PADI4: variants seen among roughly 807,000 people sequenced by gnomAD.
PADI4 encodes the protein peptidyl arginine deiminase 4.
Under a neutral mutation model 75.0 loss-of-function variants are expected in PADI4, and 62 were observed. The observed-to-expected ratio is 0.83, with a 90% CI of 0.67 to 1.02. The LOEUF (loss-of-function observed/expected upper bound fraction) is 1.02. Ranked by LOEUF, PADI4 falls within the 50% of genes least tolerant of loss-of-function variation. The pLI is 0.00. For synonymous variants in PADI4, 361 were observed against 348.1 expected (o/e 1.04, Z -0.41); for missense variants, 845 against 850.5 (o/e 0.99, Z 0.08).
rs548762076 is a variant in PADI4, at chr1:17,322,246, G to T, written c.93-8723G>T. Among the ~76,000 whole-genome samples the T allele has an allele frequency of 5.0e-3, 769 of 152,282 alleles. 7 individuals carry two copies. The highest frequency in any genetic ancestry group is 0.017 in the African/African-American group (712 of 41,544). On this transcript the variant is annotated intron_variant, in intron 1 of 15. Transcript: ENST00000375448. Reference sequence around the variant, plus strand: ...CTCATGCCTGTAATCCCAACACTTTGGGAGGCCAAGGCGGGTGGATCACCT... The same window carrying T: ...CTCATGCCTGTAATCCCAACACTTTTGGAGGCCAAGGCGGGTGGATCACCT...
At chr1:17,328,481 A>G (rs188576632) in intron 1 of PADI4, among the ~76,000 whole-genome samples, 124 of 152,158 alleles carry the variant, frequency 8.1e-4, no homozygotes, top group Non-Finnish European at 1.4e-3. Flanking sequence ...CTCTGTCTCT[A>G]CAAAAAATTT....
intron 8 of PADI4, among the ~76,000 whole-genome samples, chr1:17,344,165 G>A (rs899716977): frequency 6.6e-6 from 1 of 152,214 alleles, no homozygotes; most frequent in African/African-American, 2.4e-5. Flanking sequence ...CTCTTGTTAT[G>A]TTTTAGCAAA....
intron 5 of PADI4, 96 bp from the exon 6 acceptor site, chr1:17,339,592 G>A: frequency 7.6e-7 from 1 of 1,317,286 alleles, no homozygotes; most frequent in Non-Finnish European, 1.1e-6. Context: ...CAGGGGAGCG[G>A]TGGGGTGTGA....
At chr1:17,312,039 C>T (rs544299285) in intron 1 of PADI4, among the ~76,000 whole-genome samples, 1 of 152,268 alleles carries the variant, frequency 6.6e-6, no homozygotes, top group East Asian at 1.9e-4. Context: ...AAGTGAGTGT[C>T]AATCATTTTC....
At chr1:17,335,528 G>A (rs1472219871) in intron 3 of PADI4, among the ~76,000 whole-genome samples, 1 of 152,210 alleles carries the variant, frequency 6.6e-6, no homozygotes, top group East Asian at 1.9e-4. Context: ...TGGGACAAGG[G>A]TCACCATATC....
intron 1 of PADI4, among the ~76,000 whole-genome samples, chr1:17,314,051 A>G (rs918463834): frequency 2.6e-5 from 4 of 152,112 alleles, no homozygotes; most frequent in Non-Finnish European, 5.9e-5. Context: ...CATCTAGCAG[A>G]GAGAGTGGCT....
chr1:17,344,455 G>A (rs1174410655), intron 8 of PADI4, among the ~76,000 whole-genome samples: 2 of 152,242 alleles, frequency 1.3e-5, no homozygotes, highest in Non-Finnish European at 2.9e-5. Context: ...TTAATGTTAA[G>A]CCACAAGGCA....
intron 1 of PADI4, among the ~76,000 whole-genome samples, chr1:17,329,668 C>T (rs60336844): frequency 0.017 from 2,584 of 152,132 alleles, 64 homozygotes; most frequent in African/African-American, 0.058. Flanking sequence ...AGTGGACTCA[C>T]GCAGTTCAAA....
intron 2 of PADI4, among the ~76,000 whole-genome samples, chr1:17,333,190 A>C (rs905950130): frequency 3.3e-5 from 5 of 152,084 alleles, no homozygotes; most frequent in African/African-American, 1.2e-4. Flanking sequence ...AGGCAGGGAG[A>C]CCAGACAGAA....
intron 1 of PADI4, among the ~76,000 whole-genome samples, chr1:17,313,497 TC>T (rs2073876545): frequency 2.8e-4 from 1 of 3,588 alleles, no homozygotes; most frequent in Admixed American, 3.2e-3. Flanking sequence ...CAAGACCTTG[TC>T]AAAAAAAAAA....
chr1:17,348,130 G>C (rs764990116), intron 10 of PADI4, 82 bp downstream of exon 10: 3 of 854,800 alleles, frequency 3.5e-6, no homozygotes, highest in Admixed American at 1.9e-5. Flanking sequence ...TGCCTTCCCC[G>C]CCCGCGCCTG....
chr1:17,328,659 AT>A (rs1241652619), intron 1 of PADI4, among the ~76,000 whole-genome samples: 13 of 31,012 alleles, frequency 4.2e-4, no homozygotes, highest in Non-Finnish European at 1.0e-3. Flanking sequence ...AAAAAAAAAA[AT>A]AAGTTTAACT....
intron 6 of PADI4, among the ~76,000 whole-genome samples, chr1:17,341,421 A>C (rs1348683120): frequency 6.6e-6 from 1 of 152,034 alleles, no homozygotes; most frequent in African/African-American, 2.4e-5. Context: ...AAAGTGATTA[A>C]ACTGACACTG....
intron 1 of PADI4, among the ~76,000 whole-genome samples, chr1:17,324,109 T>C (rs922174408): frequency 8.6e-5 from 13 of 151,790 alleles, no homozygotes; most frequent in Admixed American, 2.6e-4. Flanking sequence ...AGAAGTCAAA[T>C]TGCTGGGTTT....
intron 2 of PADI4, 118 bp downstream of exon 2, chr1:17,331,267 AG>A (rs1197907063): frequency 7.4e-6 from 6 of 813,620 alleles, no homozygotes; most frequent in Non-Finnish European, 1.2e-5. Context: ...CCTGTGGAAG[AG>A]CTCGTGATGG....
At chr1:17,316,701 A>AT (rs1408461868) in intron 1 of PADI4, among the ~76,000 whole-genome samples, 4 of 147,786 alleles carry the variant, frequency 2.7e-5, no homozygotes, top group African/African-American at 1.0e-4. Context: ...AAATAAATAA[A>AT]TAAATAAATT....
intron 1 of PADI4, among the ~76,000 whole-genome samples, chr1:17,318,359 G>T (rs549316054): frequency 2.0e-5 from 3 of 152,264 alleles, no homozygotes; most frequent in Admixed American, 1.3e-4. Context: ...AATAACAATG[G>T]CTCACTCATA....
chr1:17,324,773 T>C (rs934266690), intron 1 of PADI4, among the ~76,000 whole-genome samples: 2 of 152,260 alleles, frequency 1.3e-5, no homozygotes, highest in South Asian at 4.1e-4. Flanking sequence ...TTTAAGTCTT[T>C]ATCTCCCTCC....
At chr1:17,336,087 C>T (rs2074303986) in intron 3 of PADI4, 72 bp from the exon 4 acceptor site, 1 of 1,005,648 alleles carries the variant, frequency 9.9e-7, no homozygotes, top group East Asian at 2.4e-5. Flanking sequence ...ACGACCTGCC[C>T]ATTCAGGGCC....
Sources: allele counts gnomAD v4.1 joint callset (sites outside exome capture counted in the v4.1 genomes callset), GRCh38; gene constraint gnomAD v4.1.1; transcripts MANE v1.5; gene names NCBI Gene and HGNC (gene_info 2026-07-23, HGNC 2026-07-21).